Variants in MAP2K5 observed in about 807,000 individuals in gnomAD.
The protein encoded by MAP2K5 is mitogen-activated protein kinase kinase 5, also known as dual specificity mitogen-activated protein kinase kinase 5.
A neutral mutation model predicts 83.1 loss-of-function variants in MAP2K5; 49 were observed. The ratio of observed to expected loss-of-function variants is 0.59; its 90% CI spans 0.47 to 0.75. The LOEUF (loss-of-function observed/expected upper bound fraction) is 0.75. Among genes scored for constraint, MAP2K5 ranks in the 30% least tolerant of loss-of-function variants. The probability of loss-of-function intolerance (pLI) is 0.00; values close to 1 mark genes in which losing one functional copy is unlikely to be tolerated. For synonymous variants in MAP2K5, 202 were observed against 191.8 expected (o/e 1.05, Z -0.44); for missense variants, 457 against 557.5 (o/e 0.82, Z 1.82).
Position 67,557,976 on chromosome 15 carries a change from A to T in MAP2K5, c.185-5307A>T, listed in dbSNP as rs542892590. On this transcript the variant is annotated intron_variant, in intron 2 of 21. Coordinates refer to ENST00000178640, the MANE Select transcript of MAP2K5 (RefSeq NM_145160.3). ...ATTATTTAACATGTAAGAGTTAATT[A>T]TGCATCCTAGAATTTGGGGCAAAAT... is the stretch of plus-strand genomic sequence containing the variant. Among the ~76,000 whole-genome samples the T allele has an allele frequency of 6.6e-4, 100 of 152,356 alleles. 1 individual carries two copies. The highest frequency in any genetic ancestry group is 2.2e-3 in the African/African-American group (93 of 41,596).
Position 67,781,575 on chromosome 15 carries a change from A to T in MAP2K5, c.1242+8823A>T, listed in dbSNP as rs1186172170. 6.6e-6 allele frequency among the ~76,000 whole-genome samples: 1 copy of T among 152,186 alleles called. No homozygotes were observed. The highest frequency in any genetic ancestry group is 1.5e-5 in the Non-Finnish European group (1 of 68,034). ...GTTAGGCCTTGGTCTACCGAGAGAC[A>T]TTTGCTGGAGTGTGGACTAGTTTCT... On this transcript the variant is annotated intron_variant, in intron 21 of 21. Coordinates refer to ENST00000178640, the MANE Select transcript of MAP2K5 (RefSeq NM_145160.3). The surrounding 1 kb of genome is among the most constrained non-coding windows in gnomAD (Gnocchi z 4.0).
At chr15:67,766,165 C>T (rs1472198749) in intron 19 of MAP2K5, among the ~76,000 whole-genome samples, 1 of 152,210 alleles carries the variant, frequency 6.6e-6, no homozygotes, top group African/African-American at 2.4e-5. Flanking sequence ...TTTTACATAA[C>T]AGTTGCCTGC....
chr15:67,582,594 T>A (rs1596594778), intron 4 of MAP2K5, among the ~76,000 whole-genome samples: 1 of 151,870 alleles, frequency 6.6e-6, no homozygotes, highest in Non-Finnish European at 1.5e-5. Flanking sequence ...CTGAGGCAGG[T>A]GGATTGCTTG....
intron 7 of MAP2K5, among the ~76,000 whole-genome samples, chr15:67,598,783 A>G (rs1433666487): frequency 6.6e-6 from 1 of 152,102 alleles, no homozygotes; most frequent in Non-Finnish European, 1.5e-5. Context: ...GACTCTATCT[A>G]CTACATAGCA....
At chr15:67,647,933 TG>T (rs2086865753) in intron 11 of MAP2K5, among the ~76,000 whole-genome samples, 1 of 149,494 alleles carries the variant, frequency 6.7e-6, no homozygotes, top group Non-Finnish European at 1.5e-5. Context: ...TCAGTTACTC[TG>T]GGGGCTGAGG....
chr15:67,716,188 G>A (rs1393210708), intron 16 of MAP2K5, among the ~76,000 whole-genome samples: 3 of 152,030 alleles, frequency 2.0e-5, no homozygotes, highest in Non-Finnish European at 2.9e-5. Context: ...ACAAATAAGC[G>A]AGTTAAGCTG....
chr15:67,602,764 C>T (rs954656306), intron 8 of MAP2K5, among the ~76,000 whole-genome samples: 97 of 152,348 alleles, frequency 6.4e-4, no homozygotes, highest in African/African-American at 2.2e-3. Context: ...CAGGATTCTC[C>T]TGCCTCAGCC....
At chr15:67,580,873 T>C in intron 4 of MAP2K5, 50 bp downstream of exon 4, 1 of 1,179,474 alleles carries the variant, frequency 8.5e-7, no homozygotes, top group Non-Finnish European at 1.3e-6. Context: ...GTAAACTGTT[T>C]CATCAACAGT....
At position 67,786,978 on chromosome 15, in the gene MAP2K5, G is replaced by A. The variant is rs1163344575; in HGVS notation, c.1242+14226G>A. Among the ~76,000 whole-genome samples the A allele has an allele frequency of 6.6e-6, 1 of 152,128 alleles. No homozygotes were observed. The highest frequency in any genetic ancestry group is 1.5e-5 in the Non-Finnish European group (1 of 68,026). ...CAAGGACAGTGAAGAACCCACCCTA[G>A]CCAAAGCAAAAAAGACCCTTGGAAA... On this transcript the variant is annotated intron_variant, in intron 21 of 21. Coordinates refer to ENST00000178640, the MANE Select transcript of MAP2K5 (RefSeq NM_145160.3). The surrounding 1 kb of genome is among the most constrained non-coding windows in gnomAD (Gnocchi z 4.7).
At chr15:67,649,603 T>C (rs1373387603) in intron 11 of MAP2K5, among the ~76,000 whole-genome samples, 1 of 152,218 alleles carries the variant, frequency 6.6e-6, no homozygotes, top group East Asian at 1.9e-4. Flanking sequence ...CCATTGAATT[T>C]TCTTGTTATA....
In MAP2K5 at chr15:67,720,146, A is replaced by G. The variant is rs1040394800; in HGVS notation, c.1045-7770A>G. On this transcript the variant is annotated intron_variant, in intron 16 of 21. Coordinates refer to ENST00000178640, the MANE Select transcript of MAP2K5 (RefSeq NM_145160.3). The surrounding 1 kb of genome is among the most constrained non-coding windows in gnomAD (Gnocchi z 5.7). ...CTTACTATGGCCTAGTTAAAATTGT[A>G]TATTCCATTTAAACACAGTATCTAA... is the stretch of plus-strand genomic sequence containing the variant. Among the ~76,000 whole-genome samples, 6 of 152,152 alleles carry G rather than the reference A, an allele frequency of 3.9e-5. No individual in the cohort carries two copies. Among genetic ancestry groups the G allele is most frequent in the Admixed American group, 1.3e-4 (2 of 15,270 alleles).
chr15:67,545,652 G>A (rs531222227), intron 1 of MAP2K5, among the ~76,000 whole-genome samples: 1 of 152,300 alleles, frequency 6.6e-6, no homozygotes, highest in East Asian at 1.9e-4. Context: ...TTCAAGAATA[G>A]CCCAGTGTTT....
At chr15:67,580,614 G>T in intron 3 of MAP2K5, 140 bp from the exon 4 acceptor site, 1 of 635,528 alleles carries the variant, frequency 1.6e-6, no homozygotes. Flanking sequence ...ATTTTGATGT[G>T]CCAGTAGGGG....
rs1051893332 is a variant in MAP2K5 at position 67,790,991 on chromosome 15, A to G, written c.1243-15655A>G. Among the ~76,000 whole-genome samples, 2 of 151,824 alleles carry G rather than the reference A, an allele frequency of 1.3e-5. No individual in the cohort carries two copies. The highest frequency in any genetic ancestry group is 2.4e-5 in the African/African-American group (1 of 41,294). On this transcript the variant is annotated intron_variant, in intron 21 of 21. Transcript: ENST00000178640. The surrounding 1 kb of genome is among the most constrained non-coding windows in gnomAD (Gnocchi z 4.6). ...TGTTGTAGAGAATGAAATCCATAGG[A>G]CTCCTGGAAACCACAGGTAAATTAT... is the stretch of plus-strand genomic sequence containing the variant.
rs1174598492 is a variant in MAP2K5 at position 67,724,893 on chromosome 15, G to GT, written c.1045-3022dup. Among the ~76,000 whole-genome samples, 1 of 152,218 alleles carries GT rather than the reference G, an allele frequency of 6.6e-6. No homozygotes were observed. The highest frequency in any genetic ancestry group is 1.5e-5 in the Non-Finnish European group (1 of 68,040). On this transcript the variant is annotated intron_variant, in intron 16 of 21. Transcript: ENST00000178640. The surrounding 1 kb of genome is among the most constrained non-coding windows in gnomAD (Gnocchi z 4.4). The stretch of plus-strand genomic sequence containing the variant: ...GTGGTGACACTCTGTAAGAGAGGAA[G>GT]TGATTGTCATCATGCTGCAATTGCA...
At chr15:67,761,006 G>A (rs1858595481) in intron 19 of MAP2K5, among the ~76,000 whole-genome samples, 1 of 152,058 alleles carries the variant, frequency 6.6e-6, no homozygotes, top group African/African-American at 2.4e-5. Context: ...CAGTACAAAT[G>A]TTCTCAAAAG....
rs2090725125 is a variant in MAP2K5, at chr15:67,802,535, C to G, written c.1243-4111C>G. On this transcript the variant is annotated intron_variant, in intron 21 of 21. Transcript: ENST00000178640. The surrounding 1 kb of genome is among the most constrained non-coding windows in gnomAD (Gnocchi z 5.0). ...TCAACCCTCGTCAGTTTAATTGTTG[C>G]AATTGGCCCTCAGAGAATCCAGGGA... Among the ~76,000 whole-genome samples, 1 of 152,210 alleles carries G rather than the reference C, an allele frequency of 6.6e-6. No homozygotes were observed. The highest frequency in any genetic ancestry group is 6.5e-5 in the Admixed American group (1 of 15,282).
At chr15:67,633,410 C>T (rs1394715836) in intron 9 of MAP2K5, among the ~76,000 whole-genome samples, 1 of 152,184 alleles carries the variant, frequency 6.6e-6, no homozygotes, top group Admixed American at 6.5e-5. Context: ...TTGCAAAGTA[C>T]ATTATACATT....
rs894438357 is a variant in MAP2K5 at position 67,747,598 on chromosome 15, C to A, written c.1075-633C>A. On this transcript the variant is annotated intron_variant, in intron 17 of 21. Coordinates refer to ENST00000178640, the MANE Select transcript of MAP2K5 (RefSeq NM_145160.3). This position sits in a 1 kb window ranked among gnomAD's most constrained non-coding sequence, Gnocchi z 4.1. ...ATCAGAAATGCGCTCTTACTGGACT[C>A]TGCATTTATTCCCTAAAAATCAGTG... 6.6e-6 allele frequency among the ~76,000 whole-genome samples: 1 copy of A among 152,182 alleles called. No individual in the cohort carries two copies. The highest frequency in any genetic ancestry group is 1.5e-5 in the Non-Finnish European group (1 of 68,032).
Sources: gnomAD v4.1 joint callset for allele counts (sites outside exome capture counted in the v4.1 genomes callset) on GRCh38, gnomAD v4.1.1 for gene constraint, Gnocchi (gnomAD v3.1) non-coding constraint, MANE v1.5 for transcripts, NCBI Gene and HGNC (gene_info 2026-07-23, HGNC 2026-07-21) for gene names.